Variants in EPS8 observed in about 807,000 individuals in gnomAD.
EPS8 encodes epidermal growth factor receptor kinase substrate 8.
In EPS8, 42 loss-of-function variants were observed where a neutral mutation model predicts 103.8. The ratio of observed to expected loss-of-function variants is 0.40; its 90% CI spans 0.32 to 0.52. The LOEUF is 0.52. Ranked by LOEUF, EPS8 falls within the 20% of genes least tolerant of loss-of-function variation. The pLI, the probability that EPS8 is intolerant of heterozygous loss-of-function variation, is 0.40. For missense variants in EPS8, 969 were observed against 1,005.1 expected, an observed-to-expected ratio of 0.96 and a Z score of 0.49; for synonymous variants, 344 against 344.6, an observed-to-expected ratio of 1.00 and a Z score of 0.02.
At chr12:15,643,740 G>GAAAAAAAAAAAAAAAAAAAAAAAAA (rs56952348) in intron 15 of EPS8, among the ~76,000 whole-genome samples, 1 of 76,994 alleles carries the variant, frequency 1.3e-5, no homozygotes, top group African/African-American at 5.1e-5. Flanking sequence ...ACTCTGTCTC[G>GAAAAAAAAAAAAAAAAAAAAAAAAA]AAAAAAAAAA....
At position 15,631,630 on chromosome 12, in the gene EPS8, T is replaced by C. The variant is rs758252164; in HGVS notation, c.1856A>G (p.Asp619Gly). ...AGGAGGTGATGGAGCAGGGGGAGTA[T>C]CAGCTGGTCTTGGGCCATACTCCAT... ...QRMEYGPRPA[D>G]TPPAPSPPPT... Residue 619 changes from aspartate to glycine, a missense_variant, in exon 18 of 21, where the codon GAT (aspartate) becomes GGT (glycine). Physicochemically the swap from Asp to Gly is moderately conservative, Grantham distance 94. Transcript: ENST00000281172. The C allele has an allele frequency of 1.6e-4, 263 of 1,613,654 alleles. 1 individual carries two copies. The highest frequency in any genetic ancestry group is 2.2e-4 in the Non-Finnish European group (254 of 1,179,906).
At chr12:15,630,599 A>C (rs1253154382) in intron 18 of EPS8, among the ~76,000 whole-genome samples, 1 of 152,196 alleles carries the variant, frequency 6.6e-6, no homozygotes, top group African/African-American at 2.4e-5. Flanking sequence ...AGTCACATGA[A>C]ATTTGAATTT....
rs926088659 is a variant in EPS8 at position 15,725,594 on chromosome 12, G to A, written c.-21-42622C>T. 4.6e-5 allele frequency among the ~76,000 whole-genome samples: 7 copies of A among 151,862 alleles called. No homozygotes were observed. The highest frequency in any genetic ancestry group is 1.9e-4 in the East Asian group (1 of 5,194). ...TACCTTATGAAAAATTCTAAAATAC[G>A]GTGACACAATGGGTCTTCATCATAT... On this transcript the variant is annotated intron_variant, in intron 1 of 20. Transcript: ENST00000281172. This position sits in a 1 kb window ranked among gnomAD's most constrained non-coding sequence, Gnocchi z 4.5.
At position 15,787,973 on chromosome 12, in the gene EPS8, C is replaced by T. The variant is rs1167098740; in HGVS notation, c.-22+1188G>A. ...TTCCAATAGACTCACTACCACATGA[C>T]GTCCATTACTAGTGCTCACTTTCCA... On this transcript the variant is annotated intron_variant, in intron 1 of 20. Coordinates refer to ENST00000281172, the MANE Select transcript of EPS8 (RefSeq NM_004447.6). This position sits in a 1 kb window ranked among gnomAD's most constrained non-coding sequence, Gnocchi z 4.9. 1 of 152,194 alleles carries T rather than the reference C, an allele frequency of 6.6e-6. No homozygotes were observed. Among genetic ancestry groups the T allele is most frequent in the East Asian group, 1.9e-4 (1 of 5,206 alleles). 9.4% of individuals were successfully genotyped at this position (152,194 alleles called of 1,614,324 possible).
intron 1 of EPS8, among the ~76,000 whole-genome samples, chr12:15,744,803 G>A (rs1946859199): frequency 6.6e-6 from 1 of 152,142 alleles, no homozygotes; most frequent in South Asian, 2.1e-4. Context: ...TATGGATAAC[G>A]TTAACAAATA....
intron 1 of EPS8, among the ~76,000 whole-genome samples, chr12:15,756,482 C>T (rs1946987316): frequency 6.6e-6 from 1 of 152,032 alleles, no homozygotes; most frequent in Admixed American, 6.6e-5. Flanking sequence ...TTCATATTGG[C>T]AGAAAAACTT....
chr12:15,701,908 A>T lies in EPS8; in HGVS notation c.-21-18936T>A, dbSNP rs926999732. Among the ~76,000 whole-genome samples, 2 of 152,236 alleles carry T rather than the reference A, an allele frequency of 1.3e-5. No individual in the cohort carries two copies. Among genetic ancestry groups the T allele is most frequent in the African/African-American group, 4.8e-5 (2 of 41,466 alleles). On this transcript the variant is annotated intron_variant, in intron 1 of 20. Coordinates refer to ENST00000281172, the MANE Select transcript of EPS8 (RefSeq NM_004447.6). The surrounding 1 kb of genome is among the most constrained non-coding windows in gnomAD (Gnocchi z 5.1). ...AATCTAGACTAAAAAGAGTTCAAAC[A>T]TCTGACTCTTACAATATTTTGCTTT...
chr12:15,728,522 C>T lies in EPS8; in HGVS notation c.-21-45550G>A, dbSNP rs573360143. Among the ~76,000 whole-genome samples, 4 of 152,142 alleles carry T rather than the reference C, an allele frequency of 2.6e-5. No homozygotes were observed. Among genetic ancestry groups the T allele is most frequent in the Non-Finnish European group, 4.4e-5 (3 of 68,040 alleles). ...AGCAACAATAATAAGGAACACTCTCCCGGGTGCTGAGTCATTAATAGAATT... is the reference window on the plus strand; with the variant it reads ...AGCAACAATAATAAGGAACACTCTCTCGGGTGCTGAGTCATTAATAGAATT... On this transcript the variant is annotated intron_variant, in intron 1 of 20. Transcript: ENST00000281172. This position sits in a 1 kb window ranked among gnomAD's most constrained non-coding sequence, Gnocchi z 4.5.
intron 1 of EPS8, among the ~76,000 whole-genome samples, chr12:15,737,673 A>G (rs1192128973): frequency 6.6e-6 from 1 of 152,230 alleles, no homozygotes; most frequent in Non-Finnish European, 1.5e-5. Context: ...GAAAACAGAA[A>G]GTCCGGCTTC....
rs1947298759 is a variant in EPS8, at chr12:15,785,139, G to C, written c.-22+4022C>G. Among the ~76,000 whole-genome samples the C allele has an allele frequency of 6.6e-6, 1 of 152,084 alleles. No individual in the cohort carries two copies. The highest frequency in any genetic ancestry group is 2.1e-4 in the South Asian group (1 of 4,828). ...GTAAGCAAATCATTTAGAAGGTCAAGGAATCCCAAGGTGGAATGCAGATTG... is the reference window on the plus strand; with the variant it reads ...GTAAGCAAATCATTTAGAAGGTCAACGAATCCCAAGGTGGAATGCAGATTG... On this transcript the variant is annotated intron_variant, in intron 1 of 20. Coordinates refer to ENST00000281172, the MANE Select transcript of EPS8 (RefSeq NM_004447.6). The surrounding 1 kb of genome is among the most constrained non-coding windows in gnomAD (Gnocchi z 4.9).
Position 15,776,871 on chromosome 12 carries a change from G to A in EPS8, c.-22+12290C>T, listed in dbSNP as rs1947211307. Among the ~76,000 whole-genome samples, 1 of 152,202 alleles carries A rather than the reference G, an allele frequency of 6.6e-6. No homozygotes were observed. The highest frequency in any genetic ancestry group is 1.9e-4 in the East Asian group (1 of 5,192). ...TTATCTATTAGTTTGGAATCTTATTGAAAATTTCATATTTCCCAGTAATGA... is the reference window on the plus strand; with the variant it reads ...TTATCTATTAGTTTGGAATCTTATTAAAAATTTCATATTTCCCAGTAATGA... On this transcript the variant is annotated intron_variant, in intron 1 of 20. Coordinates refer to ENST00000281172, the MANE Select transcript of EPS8 (RefSeq NM_004447.6). The surrounding 1 kb of genome is among the most constrained non-coding windows in gnomAD (Gnocchi z 4.2).
In EPS8 at chr12:15,751,201, T is replaced by C. The variant is rs1946928008; in HGVS notation, c.-22+37960A>G. Among the ~76,000 whole-genome samples the C allele has an allele frequency of 6.6e-6, 1 of 151,940 alleles. No homozygotes were observed. The highest frequency in any genetic ancestry group is 1.9e-4 in the East Asian group (1 of 5,170). ...AGTGAAACTCTGTCTCTACTAAAAATATAAAAATTAGCCACACGTAGTGGT... is the reference window on the plus strand; with the variant it reads ...AGTGAAACTCTGTCTCTACTAAAAACATAAAAATTAGCCACACGTAGTGGT... On this transcript the variant is annotated intron_variant, in intron 1 of 20. Coordinates refer to ENST00000281172, the MANE Select transcript of EPS8 (RefSeq NM_004447.6). The surrounding 1 kb of genome is among the most constrained non-coding windows in gnomAD (Gnocchi z 4.3).
At chr12:15,626,175 T>C (rs969386652) in intron 18 of EPS8, among the ~76,000 whole-genome samples, 1 of 152,180 alleles carries the variant, frequency 6.6e-6, no homozygotes, top group Non-Finnish European at 1.5e-5. Flanking sequence ...ATCCTGTTAG[T>C]CTGACCTCAT....
intron 10 of EPS8, 134 bp downstream of exon 10, chr12:15,660,480 T>G (rs1240855162): frequency 1.1e-5 from 7 of 660,178 alleles, no homozygotes; most frequent in Non-Finnish European, 1.7e-5. Context: ...GTCAGGCTAG[T>G]CTCGAACTCC....
chr12:15,655,498 T>A (rs553330709), intron 12 of EPS8, among the ~76,000 whole-genome samples: 4 of 152,156 alleles, frequency 2.6e-5, no homozygotes, highest in Non-Finnish European at 5.9e-5. Context: ...GGTACTGGAA[T>A]GAATGAAAAA....
At chr12:15,770,913 T>C (rs1393308521) in intron 1 of EPS8, among the ~76,000 whole-genome samples, 3 of 152,262 alleles carry the variant, frequency 2.0e-5, no homozygotes, top group African/African-American at 7.2e-5. Flanking sequence ...CCAATACACA[T>C]TGAGCGTCTA....
intron 3 of EPS8, among the ~76,000 whole-genome samples, chr12:15,674,443 T>C (rs996033874): frequency 3.2e-4 from 48 of 152,196 alleles, no homozygotes; most frequent in African/African-American, 1.2e-3. Flanking sequence ...AGTGTCTAAG[T>C]ATATCTATTC....
At chr12:15,741,083 G>T (rs566975579) in intron 1 of EPS8, among the ~76,000 whole-genome samples, 1 of 152,296 alleles carries the variant, frequency 6.6e-6, no homozygotes, top group South Asian at 2.1e-4. Context: ...TCTAAAAAAT[G>T]CTCTTCACCA....
chr12:15,751,220 T>C lies in EPS8; in HGVS notation c.-22+37941A>G, dbSNP rs1454618571. ...TAAAAATATAAAAATTAGCCACACGTAGTGGTGTGTGCCTGTAATCCCAGC... is the reference window on the plus strand; with the variant it reads ...TAAAAATATAAAAATTAGCCACACGCAGTGGTGTGTGCCTGTAATCCCAGC... On this transcript the variant is annotated intron_variant, in intron 1 of 20. Transcript: ENST00000281172. The surrounding 1 kb of genome is among the most constrained non-coding windows in gnomAD (Gnocchi z 4.3). Among the ~76,000 whole-genome samples, 1 of 152,000 alleles carries C rather than the reference T, an allele frequency of 6.6e-6. No individual in the cohort carries two copies. The highest frequency in any genetic ancestry group is 1.5e-5 in the Non-Finnish European group (1 of 68,002).
Sources: gnomAD v4.1 joint callset for allele counts (sites outside exome capture counted in the v4.1 genomes callset) on GRCh38, gnomAD v4.1.1 for gene constraint, Gnocchi (gnomAD v3.1) non-coding constraint, MANE v1.5 for transcripts, NCBI Gene and HGNC (gene_info 2026-07-23, HGNC 2026-07-21) for gene names.